PCDHGA7: variants seen among roughly 807,000 people sequenced by gnomAD.
PCDHGA7 encodes protocadherin gamma subfamily A, 7.
In PCDHGA7, 44 loss-of-function variants were observed where a neutral mutation model predicts 58.3. The ratio of observed to expected loss-of-function variants is 0.75; its 90% CI spans 0.59 to 0.97. PCDHGA7 has a LOEUF of 0.97. Among genes scored for constraint, PCDHGA7 ranks in the 50% least tolerant of loss-of-function variants. The pLI, the probability that PCDHGA7 is intolerant of heterozygous loss-of-function variation, is 0.00. For synonymous variants in PCDHGA7, 516 were observed against 504.2 expected (o/e 1.02, Z -0.31); for missense variants, 1,266 against 1,188.7 (o/e 1.06, Z -0.96).
intron 1 of PCDHGA7, among the ~76,000 whole-genome samples, chr5:141,444,880 G>A (rs527554886): frequency 6.6e-6 from 1 of 152,150 alleles, no homozygotes; most frequent in Non-Finnish European, 1.5e-5. Context: ...AAGCTTGTAG[G>A]ATTTTTGAAT....
At chr5:141,494,232 A>T (rs2099752983) in intron 1 of PCDHGA7, among the ~76,000 whole-genome samples, 1 of 152,168 alleles carries the variant, frequency 6.6e-6, no homozygotes, top group African/African-American at 2.4e-5. Flanking sequence ...TCCTAAATTA[A>T]TAATGTATTT....
Position 141,485,263 on chromosome 5 carries a change from G to A in PCDHGA7, c.2425-9544G>A. 1 of 1,614,162 alleles carries A rather than the reference G, an allele frequency of 6.2e-7. No individual in the cohort carries two copies. On this transcript the variant is annotated intron_variant, in intron 1 of 3. Transcript: ENST00000518325. This position sits in a 1 kb window ranked among gnomAD's most constrained non-coding sequence, Gnocchi z 5.7. ...ACCACCTGGGTTACGTTTGTGGGCA[G>A]ATCCGCTACCCGGTCCCAGAGGAGT...
chr5:141,415,149 C>T, intron 1 of PCDHGA7: 1 of 1,613,796 alleles, frequency 6.2e-7, no homozygotes, highest in Middle Eastern at 1.6e-4. Context: ...AGCCCCCTCT[C>T]TCCGCCACTG....
intron 1 of PCDHGA7, among the ~76,000 whole-genome samples, chr5:141,425,059 G>A (rs1056925377): frequency 3.3e-5 from 5 of 152,110 alleles, no homozygotes; most frequent in Non-Finnish European, 7.4e-5. Flanking sequence ...CTAGGGCTCG[G>A]ACAAAAATAA....
chr5:141,418,105 G>A lies in PCDHGA7; in HGVS notation c.2424+32782G>A, dbSNP rs971913143. On this transcript the variant is annotated intron_variant, in intron 1 of 3. Transcript: ENST00000518325. ...ACTTCAGCGTAGACGCGCAGAGCGG[G>A]GACTTACTTGTGAAGGACCGAATAG... 5 of 1,614,062 alleles carry A rather than the reference G, an allele frequency of 3.1e-6. No homozygotes were observed. The East Asian group carries it at 8.9e-5, about 29-fold the overall frequency.
intron 1 of PCDHGA7, chr5:141,394,510 C>T (rs371348730): frequency 2.5e-6 from 4 of 1,614,098 alleles, no homozygotes; most frequent in Non-Finnish European, 3.4e-6. Flanking sequence ...CTGTACCCCG[C>T]CCTCCCCACA....
rs369190060 is a variant in PCDHGA7 at position 141,384,201 on chromosome 5, G to A, written c.1302G>A (p.Arg434=). 3.7e-6 allele frequency: 6 copies of A among 1,613,802 alleles called. No individual in the cohort carries two copies. Among genetic ancestry groups the A allele is most frequent in the Admixed American group, 1.7e-5 (1 of 60,016 alleles). The change falls in exon 1 of 4, where the codon AGG becomes AGA. Residue 434 remains arginine (R), a synonymous_variant. Coordinates refer to ENST00000518325, the MANE Select transcript of PCDHGA7 (RefSeq NM_018920.4). ...ATDGGTPPLS[R]ETHIFMQVAD... is the part of the protein sequence containing the mutation. ...ATGGTGGAACTCCTCCCTTGTCCAGGGAAACTCACATATTCATGCAGGTGG... is the reference window on the plus strand; with the variant it reads ...ATGGTGGAACTCCTCCCTTGTCCAGAGAAACTCACATATTCATGCAGGTGG...
At position 141,384,877 on chromosome 5, in the gene PCDHGA7, C is replaced by T. The variant is rs2150276041; in HGVS notation, c.1978C>T (p.Leu660Phe). 1 of 1,613,844 alleles carries T rather than the reference C, an allele frequency of 6.2e-7. No individual in the cohort carries two copies. Among genetic ancestry groups the T allele is most frequent in the African/African-American group, 1.3e-5 (1 of 75,074 alleles). Reference protein sequence around the residue: ...GQPPLSATVTLTVAVADSIPE... With the variant: ...GQPPLSATVTFTVAVADSIPE... ...GCCTCCTCTGTCAGCCACCGTCACA[C>T]TCACCGTGGCTGTGGCTGACAGCAT... is the stretch of plus-strand genomic sequence containing the variant. The change falls in exon 1 of 4, where the codon CTC (leucine) becomes TTC (phenylalanine). Residue 660 changes from leucine (L) to phenylalanine (F), a missense_variant. Coordinates refer to ENST00000518325, the MANE Select transcript of PCDHGA7 (RefSeq NM_018920.4).
chr5:141,405,407 CTTTT>C (rs762612492), intron 1 of PCDHGA7: 1 of 1,581,924 alleles, frequency 6.3e-7, no homozygotes, highest in Non-Finnish European at 8.6e-7. Flanking sequence ...TCTTTCTTTT[CTTTT>C]TTTGTTTTTT....
chr5:141,483,887 C>G (rs147069309), intron 1 of PCDHGA7, among the ~76,000 whole-genome samples: 13 of 152,036 alleles, frequency 8.6e-5, no homozygotes, highest in Non-Finnish European at 1.2e-4. Context: ...TTTTCTATTT[C>G]TCTGAGCTCT....
intron 1 of PCDHGA7, among the ~76,000 whole-genome samples, chr5:141,454,458 G>A (rs535843071): frequency 5.3e-5 from 8 of 152,322 alleles, no homozygotes; most frequent in Non-Finnish European, 1.5e-5. Flanking sequence ...CCAGGCTGGA[G>A]TGCAATGGCA....
Position 141,383,322 on chromosome 5 carries a change from A to G in PCDHGA7, c.423A>G (p.Lys141=), listed in dbSNP as rs369432251. 6.8e-6 allele frequency: 11 copies of G among 1,613,876 alleles called. No homozygotes were observed. The African/African-American group carries it at 1.3e-4, about 20-fold the overall frequency. ...TCTTGACGGAAGAAATAAATGTAAA[A>G]ATAATGGAGAATACAGCTCCTGGGG... is the stretch of plus-strand genomic sequence containing the variant. ...PRFLTEEINV[K]IMENTAPGVR... The change falls in exon 1 of 4, where the codon AAA becomes AAG. Residue 141 remains lysine, a synonymous_variant. Coordinates refer to ENST00000518325, the MANE Select transcript of PCDHGA7 (RefSeq NM_018920.4).
At chr5:141,396,813 T>A (rs1031435038) in intron 1 of PCDHGA7, among the ~76,000 whole-genome samples, 3 of 152,240 alleles carry the variant, frequency 2.0e-5, no homozygotes, top group Admixed American at 6.5e-5. Context: ...AGTGTTCTAC[T>A]GTATGGTGCA....
In PCDHGA7 at chr5:141,486,936, A is replaced by G; in HGVS notation, c.2425-7871A>G. 2 of 1,614,184 alleles carry G rather than the reference A, an allele frequency of 1.2e-6. No individual in the cohort carries two copies. Among genetic ancestry groups the G allele is most frequent in the Non-Finnish European group, 1.7e-6 (2 of 1,180,030 alleles). On this transcript the variant is annotated intron_variant, in intron 1 of 3. Transcript: ENST00000518325. This position sits in a 1 kb window ranked among gnomAD's most constrained non-coding sequence, Gnocchi z 5.0. ...CTGCCTCCATCAGTTGGTGCTGGCC[A>G]CCTAATCACAAAGGTGACTGCTGTG...
Position 141,456,287 on chromosome 5 carries a change from C to A in PCDHGA7, c.2425-38520C>A, listed in dbSNP as rs951430060. On this transcript the variant is annotated intron_variant, in intron 1 of 3. Transcript: ENST00000518325. ...CTGGCTACTTCCTGCTGAAAAGGGGCGTCTAATGGAGAACAGCAGCTAGGG... is the reference window on the plus strand; with the variant it reads ...CTGGCTACTTCCTGCTGAAAAGGGGAGTCTAATGGAGAACAGCAGCTAGGG... Among the ~76,000 whole-genome samples, 11 of 152,166 alleles carry A rather than the reference C, an allele frequency of 7.2e-5. No individual in the cohort carries two copies. In the East Asian group the frequency reaches 1.9e-3, roughly 27 times the overall value.
chr5:141,394,433 G>A lies in PCDHGA7; in HGVS notation c.2424+9110G>A, dbSNP rs1180818373. ...TAACAGCCAGCGACAGCGGGGACCC[G>A]CCCCTCAGCAGCAACATGTCACTGA... On this transcript the variant is annotated intron_variant, in intron 1 of 3. Coordinates refer to ENST00000518325, the MANE Select transcript of PCDHGA7 (RefSeq NM_018920.4). 3.7e-6 allele frequency: 6 copies of A among 1,614,088 alleles called. No homozygotes were observed. The East Asian group carries it at 8.9e-5, about 24-fold the overall frequency.
Position 141,438,902 on chromosome 5 carries a change from G to A in PCDHGA7, c.2424+53579G>A, listed in dbSNP as rs185216039. 2.0e-5 allele frequency among the ~76,000 whole-genome samples: 3 copies of A among 151,906 alleles called. No homozygotes were observed. The East Asian group carries it at 5.8e-4, about 29-fold the overall frequency. On this transcript the variant is annotated intron_variant, in intron 1 of 3. Coordinates refer to ENST00000518325, the MANE Select transcript of PCDHGA7 (RefSeq NM_018920.4). ...GCTGCTCTTGAACTCCTGACCTCAGGTGATCCACCTGCCTTGGCCTCCCAA... is the reference window on the plus strand; with the variant it reads ...GCTGCTCTTGAACTCCTGACCTCAGATGATCCACCTGCCTTGGCCTCCCAA...
In PCDHGA7 at chr5:141,486,487, C is replaced by T; in HGVS notation, c.2425-8320C>T. ...CTGGGAACCCTCCTCTCAGTACCCA[C>T]AGAACTATTTTCCTCAATATTTCAG... On this transcript the variant is annotated intron_variant, in intron 1 of 3. Coordinates refer to ENST00000518325, the MANE Select transcript of PCDHGA7 (RefSeq NM_018920.4). This position sits in a 1 kb window ranked among gnomAD's most constrained non-coding sequence, Gnocchi z 5.0. 1 of 1,614,086 alleles carries T rather than the reference C, an allele frequency of 6.2e-7. No individual in the cohort carries two copies. Among genetic ancestry groups the T allele is most frequent in the Non-Finnish European group, 8.5e-7 (1 of 1,179,918 alleles).
intron 1 of PCDHGA7, chr5:141,394,449 A>G (rs773696678): frequency 2.5e-6 from 4 of 1,614,112 alleles, no homozygotes; most frequent in Admixed American, 1.7e-5. Context: ...CAGCAGCAAC[A>G]TGTCACTGAG....
Sources: gnomAD v4.1 joint callset for allele counts (sites outside exome capture counted in the v4.1 genomes callset) on GRCh38, gnomAD v4.1.1 for gene constraint, Gnocchi (gnomAD v3.1) non-coding constraint, MANE v1.5 for transcripts, NCBI Gene and HGNC (gene_info 2026-07-23, HGNC 2026-07-21) for gene names.